TYW1: variants seen among roughly 807,000 people sequenced by gnomAD.
The protein encoded by TYW1 is S-adenosyl-L-methionine-dependent tRNA 4-demethylwyosine synthase TYW1.
Under a neutral mutation model 96.2 loss-of-function variants are expected in TYW1, and 46 were observed. That is an observed-to-expected ratio of 0.48 (90% CI 0.38 to 0.61). The LOEUF (loss-of-function observed/expected upper bound fraction) is 0.61. Among genes scored for constraint, TYW1 ranks in the 20% least tolerant of loss-of-function variants. The pLI is 0.00. For synonymous variants in TYW1, 274 were observed against 323.0 expected, an observed-to-expected ratio of 0.85 and a Z score of 1.63; for missense variants, 684 against 909.6, an observed-to-expected ratio of 0.75 and a Z score of 3.19.
intron 13 of TYW1, among the ~76,000 whole-genome samples, chr7:67,139,499 G>A (rs535603963): frequency 6.6e-6 from 1 of 152,238 alleles, no homozygotes; most frequent in South Asian, 2.1e-4. Context: ...TTGTCTGTCA[G>A]TATCTGCAGG....
intron 15 of TYW1, among the ~76,000 whole-genome samples, chr7:67,229,000 T>C (rs1283020900): frequency 6.6e-6 from 1 of 152,242 alleles, no homozygotes; most frequent in African/African-American, 2.4e-5. Flanking sequence ...TGTACTTCAC[T>C]GTGCCAGTTT....
chr7:67,071,248 G>C (rs1796019658), intron 10 of TYW1, among the ~76,000 whole-genome samples: 1 of 151,926 alleles, frequency 6.6e-6, no homozygotes, highest in Non-Finnish European at 1.5e-5. Flanking sequence ...TGTTTGTTTA[G>C]TGAGTTTTCT....
intron 13 of TYW1, among the ~76,000 whole-genome samples, chr7:67,139,743 G>GTA (rs1798383256): frequency 6.6e-6 from 1 of 151,204 alleles, no homozygotes; most frequent in East Asian, 1.9e-4. Context: ...GTGTGTGTGT[G>GTA]TGTGTGTGTG....
chr7:67,086,373 A>C (rs1238396229), intron 11 of TYW1, among the ~76,000 whole-genome samples: 1 of 152,114 alleles, frequency 6.6e-6, no homozygotes, highest in African/African-American at 2.4e-5. Flanking sequence ...GCAAAGTCTT[A>C]TTTTCCTTTG....
chr7:67,052,105 A>G (rs1795378722), intron 8 of TYW1, among the ~76,000 whole-genome samples: 1 of 152,084 alleles, frequency 6.6e-6, no homozygotes, highest in Non-Finnish European at 1.5e-5. Flanking sequence ...ATTTTGAGCA[A>G]TTTAATTATA....
At chr7:67,090,857 C>T (rs1796693245) in intron 11 of TYW1, among the ~76,000 whole-genome samples, 1 of 152,100 alleles carries the variant, frequency 6.6e-6, no homozygotes, top group Non-Finnish European at 1.5e-5. Context: ...ATCAAAACCA[C>T]AGTAAGATAC....
At chr7:67,234,941 G>A (rs992671908) in intron 15 of TYW1, among the ~76,000 whole-genome samples, 1 of 132,638 alleles carries the variant, frequency 7.5e-6, no homozygotes, top group African/African-American at 2.9e-5. Context: ...GTATATTTTT[G>A]ACTGTAGGTA....
intron 12 of TYW1, among the ~76,000 whole-genome samples, chr7:67,116,728 A>C (rs550565330): frequency 3.3e-5 from 5 of 152,150 alleles, no homozygotes; most frequent in African/African-American, 1.2e-4. Context: ...AGAAGGACCT[A>C]CTAGAAATCT....
chr7:67,160,513 AAGG>A (rs1799126773), intron 13 of TYW1, among the ~76,000 whole-genome samples: 1 of 127,442 alleles, frequency 7.8e-6, no homozygotes, highest in African/African-American at 3.1e-5. Flanking sequence ...TTAAGGACTT[AAGG>A]TATGTGTATA....
intron 12 of TYW1, among the ~76,000 whole-genome samples, chr7:67,100,483 G>C (rs1490265627): frequency 2.0e-5 from 3 of 148,052 alleles, no homozygotes; most frequent in Non-Finnish European, 4.5e-5. Context: ...TGGGGAAATA[G>C]GAAAAAAAAA....
In TYW1 at chr7:67,178,984, G is replaced by A. The variant is rs564975882; in HGVS notation, c.1699-4142G>A. On this transcript the variant is annotated intron_variant, in intron 13 of 15. Coordinates refer to ENST00000359626, the MANE Select transcript of TYW1 (RefSeq NM_018264.4). ...GCCCCAAAACCGGGGCTTAGCTTGG[G>A]AGGATTTTTGGCTTTGTCCAGTAAA... Among the ~76,000 whole-genome samples, 84 of 139,460 alleles carry A rather than the reference G, an allele frequency of 6.0e-4. 5 individuals are homozygous for A. Among genetic ancestry groups the A allele is most frequent in the African/African-American group, 2.3e-3 (80 of 34,998 alleles). The allele number at this position is 139,460 out of a possible 152,430, so 91.5% of individuals were successfully genotyped here.
chr7:67,117,449 T>G (rs1797628811), intron 12 of TYW1, 34 bp from the exon 13 acceptor site: 3 of 1,587,922 alleles, frequency 1.9e-6, no homozygotes, highest in Admixed American at 3.8e-5. Context: ...GAGGAATAAT[T>G]TTTCTTTCTT....
intron 15 of TYW1, among the ~76,000 whole-genome samples, chr7:67,219,850 T>G (rs1325672401): frequency 2.5e-5 from 2 of 81,480 alleles, no homozygotes; most frequent in Non-Finnish European, 5.2e-5. Flanking sequence ...TGTGGGTTTT[T>G]TTTTTTTTTT....
chr7:67,107,391 T>C lies in TYW1; in HGVS notation c.1562+8673T>C, dbSNP rs1433161107. On this transcript the variant is annotated intron_variant, in intron 12 of 15. Coordinates refer to ENST00000359626, the MANE Select transcript of TYW1 (RefSeq NM_018264.4). Reference sequence around the variant, plus strand: ...GTTTAAAATCTAATTTTCTCTCCTGTCTTTGAGTTCATGGAATATTTTTCT... The same window carrying C: ...GTTTAAAATCTAATTTTCTCTCCTGCCTTTGAGTTCATGGAATATTTTTCT... Among the ~76,000 whole-genome samples, 8 of 152,292 alleles carry C rather than the reference T, an allele frequency of 5.3e-5. No individual in the cohort carries two copies. The East Asian group carries it at 1.5e-3, about 29-fold the overall frequency.
chr7:67,049,926 C>T, intron 7 of TYW1, 23 bp from the exon 8 acceptor site: 2 of 1,613,176 alleles, frequency 1.2e-6, no homozygotes, highest in South Asian at 1.1e-5. Flanking sequence ...TTCTGGATTT[C>T]ATTCTTTTTT....
chr7:67,048,583 A>C (rs201759991), intron 7 of TYW1, among the ~76,000 whole-genome samples: 1 of 152,214 alleles, frequency 6.6e-6, no homozygotes, highest in African/African-American at 2.4e-5. Context: ...AATCAGTGGA[A>C]AGAGTGAATG....
At chr7:67,123,967 AT>A (rs1256914027) in intron 13 of TYW1, among the ~76,000 whole-genome samples, 1 of 152,212 alleles carries the variant, frequency 6.6e-6, no homozygotes, top group Non-Finnish European at 1.5e-5. Flanking sequence ...TAAATAATAG[AT>A]CTGAATGTAA....
chr7:67,056,203 A>G (rs1379533772), intron 9 of TYW1, among the ~76,000 whole-genome samples: 2 of 152,130 alleles, frequency 1.3e-5, no homozygotes, highest in Admixed American at 6.6e-5. Flanking sequence ...TTAGAATTTC[A>G]TATGAGTGGC....
At chr7:67,122,360 C>A (rs1215635171) in intron 13 of TYW1, among the ~76,000 whole-genome samples, 1 of 152,094 alleles carries the variant, frequency 6.6e-6, no homozygotes, top group Admixed American at 6.6e-5. Flanking sequence ...AGCCCTCTAT[C>A]TAATATTTAA....
Sources: allele counts gnomAD v4.1 joint callset (sites outside exome capture counted in the v4.1 genomes callset), GRCh38; gene constraint gnomAD v4.1.1; transcripts MANE v1.5; gene names NCBI Gene and HGNC (gene_info 2026-07-23, HGNC 2026-07-21).